The following UACA variants were observed in gnomAD, a reference collection of about 807,000 sequenced individuals.
UACA encodes nuclear membrane binding protein.
In UACA, 112 loss-of-function variants were observed where a neutral mutation model predicts 160.5. That is an observed-to-expected ratio of 0.70 (90% CI 0.60 to 0.82). UACA has a LOEUF of 0.82. Ranked by LOEUF, UACA falls within the 40% of genes least tolerant of loss-of-function variation. The pLI, the probability that UACA is intolerant of heterozygous loss-of-function variation, is 0.00. For missense variants in UACA, 1,574 were observed against 1,614.6 expected, an observed-to-expected ratio of 0.97 and a Z score of 0.43; for synonymous variants, 557 against 568.4, an observed-to-expected ratio of 0.98 and a Z score of 0.29.
At chr15:70,671,919 C>G in intron 14 of UACA, 46 bp downstream of exon 14, 1 of 1,500,450 alleles carries the variant, frequency 6.7e-7, no homozygotes, top group Non-Finnish European at 9.1e-7. Context: ...TTCTTCTTTA[C>G]TTGAACTAGG....
intron 1 of UACA, among the ~76,000 whole-genome samples, chr15:70,755,311 A>T (rs1401979116): frequency 6.6e-6 from 1 of 152,126 alleles, no homozygotes; most frequent in African/African-American, 2.4e-5. Context: ...ATGACTAGTC[A>T]GTTCTCTCTG....
chr15:70,683,969 A>G (rs1256462621), intron 8 of UACA, among the ~76,000 whole-genome samples: 2 of 151,582 alleles, frequency 1.3e-5, no homozygotes, highest in African/African-American at 4.9e-5. Context: ...ACCCCTCTTC[A>G]TCAAAAAAAA....
At chr15:70,695,427 TAATA>T (rs1898095771) in intron 2 of UACA, among the ~76,000 whole-genome samples, 1 of 152,224 alleles carries the variant, frequency 6.6e-6, no homozygotes, top group South Asian at 2.1e-4. Flanking sequence ...GCTTGGATCT[TAATA>T]AATGCACTGA....
intron 1 of UACA, among the ~76,000 whole-genome samples, chr15:70,704,601 C>A (rs1223368407): frequency 6.6e-6 from 1 of 152,120 alleles, no homozygotes; most frequent in African/African-American, 2.4e-5. Flanking sequence ...TTTCTAGGCA[C>A]CAGTGCTCTC....
chr15:70,664,565 T>C (rs755528288), intron 17 of UACA, 97 bp downstream of exon 17: 34 of 1,407,894 alleles, frequency 2.4e-5, no homozygotes, highest in Non-Finnish European at 3.1e-5. Context: ...GATCCGAACA[T>C]AGCTACAGAG....
chr15:70,673,919 A>G (rs1015524876), intron 13 of UACA, among the ~76,000 whole-genome samples: 1 of 152,138 alleles, frequency 6.6e-6, no homozygotes, highest in African/African-American at 2.4e-5. Context: ...TGGAGTGCAG[A>G]GGCATGATCT....
intron 9 of UACA, among the ~76,000 whole-genome samples, chr15:70,680,735 T>C (rs577495945): frequency 1.3e-5 from 2 of 152,282 alleles, no homozygotes; most frequent in Non-Finnish European, 2.9e-5. Flanking sequence ...CCGCATCCTT[T>C]AATTAAGATC....
At chr15:70,689,972 A>G (rs1897869787) in intron 5 of UACA, among the ~76,000 whole-genome samples, 1 of 152,180 alleles carries the variant, frequency 6.6e-6, no homozygotes, top group Admixed American at 6.5e-5. Context: ...ACTACTTATG[A>G]TTTGATTATA....
the UACA span, among the ~76,000 whole-genome samples, chr15:70,774,584 T>C: frequency 2.1e-5 from 3 of 142,536 alleles, no homozygotes; most frequent in African/African-American, 5.5e-5. Flanking sequence ...GTCCATGAAA[T>C]GGGAAGGACA....
intron 9 of UACA, 32 bp downstream of exon 9, chr15:70,682,726 T>C: frequency 1.4e-6 from 2 of 1,398,764 alleles, no homozygotes; most frequent in Non-Finnish European, 1.9e-6. Flanking sequence ...ATACAATACA[T>C]ATAATTATTT....
At chr15:70,723,274 G>A (rs1454077363) in intron 1 of UACA, among the ~76,000 whole-genome samples, 3 of 152,344 alleles carry the variant, frequency 2.0e-5, no homozygotes, top group Non-Finnish European at 4.4e-5. Flanking sequence ...ATGGAGGGTC[G>A]CTGGAGCTCA....
chr15:70,665,162 G>C (rs1225392380), intron 16 of UACA, among the ~76,000 whole-genome samples: 1 of 152,166 alleles, frequency 6.6e-6, no homozygotes, highest in Non-Finnish European at 1.5e-5. Flanking sequence ...GAAGGGAAGG[G>C]GGATTCCCAG....
chr15:70,704,452 C>G (rs1898468030), intron 1 of UACA, among the ~76,000 whole-genome samples: 1 of 152,140 alleles, frequency 6.6e-6, no homozygotes, highest in Admixed American at 6.5e-5. Flanking sequence ...CATCCCACAC[C>G]GCAAGTCTTT....
intron 1 of UACA, among the ~76,000 whole-genome samples, chr15:70,735,775 A>G (rs1899346693): frequency 6.6e-6 from 1 of 152,180 alleles, no homozygotes; most frequent in Non-Finnish European, 1.5e-5. Context: ...TCCCAGGCTC[A>G]AGTGATCCTC....
intron 13 of UACA, among the ~76,000 whole-genome samples, chr15:70,675,121 C>A (rs765490994): frequency 2.0e-5 from 3 of 151,910 alleles, no homozygotes; most frequent in African/African-American, 7.3e-5. Flanking sequence ...ATTTGTGAAA[C>A]CCCTCATGGG....
At chr15:70,686,580 G>A (rs532543967) in intron 7 of UACA, among the ~76,000 whole-genome samples, 1 of 148,612 alleles carries the variant, frequency 6.7e-6, no homozygotes, top group South Asian at 2.1e-4. Flanking sequence ...TCATGCTGGT[G>A]TGCTGCACCC....
At chr15:70,749,367 A>C (rs1899811787) in intron 1 of UACA, 1 of 186,248 alleles carries the variant, frequency 5.4e-6, no homozygotes. Context: ...TCTACTAAAA[A>C]TACAAAAAAT....
At chr15:70,741,834 C>CA (rs1404536313) in intron 1 of UACA, among the ~76,000 whole-genome samples, 3 of 152,108 alleles carry the variant, frequency 2.0e-5, no homozygotes, top group Non-Finnish European at 4.4e-5. Context: ...TCAATACTAG[C>CA]AGTTAGAAGC....
chr15:70,770,063 G>A, the UACA span, among the ~76,000 whole-genome samples: 4 of 152,174 alleles, frequency 2.6e-5, no homozygotes, highest in African/African-American at 9.7e-5. Flanking sequence ...CTTACTGCAT[G>A]ATATAATACA....
Sources: gnomAD v4.1 joint callset for allele counts (sites outside exome capture counted in the v4.1 genomes callset) on GRCh38, gnomAD v4.1.1 for gene constraint, MANE v1.5 for transcripts, NCBI Gene and HGNC (gene_info 2026-07-23, HGNC 2026-07-21) for gene names.